Variants in PLOD2 observed in about 807,000 individuals in gnomAD.
The protein encoded by PLOD2 is lysine hydroxylase 2.
Under a neutral mutation model 101.0 loss-of-function variants are expected in PLOD2, and 65 were observed. The observed-to-expected ratio is 0.64, with a 90% CI of 0.53 to 0.79. PLOD2 has a LOEUF of 0.79. PLOD2 is among the 30% of genes least tolerant of loss of function. The pLI, the probability that PLOD2 is intolerant of heterozygous loss-of-function variation, is 0.00. For missense variants in PLOD2, 909 were observed against 914.6 expected, an observed-to-expected ratio of 0.99 and a Z score of 0.08; for synonymous variants, 314 against 302.9, an observed-to-expected ratio of 1.04 and a Z score of -0.38.
Position 146,077,837 on chromosome 3 carries a change from TAAATA to T in PLOD2, c.1563+20_1563+24del, listed in dbSNP as rs1936398245. On this transcript the variant is annotated intron_variant, in intron 14 of 19. Coordinates refer to ENST00000282903, the MANE Select transcript of PLOD2 (RefSeq NM_182943.3). ...ATATCAAATATTAAATAAACAAAAA[TAAATA>T]AAATAAGTAAAAATAACACCTTTGG... is the stretch of plus-strand genomic sequence containing the variant. The T allele has an allele frequency of 1.4e-6, 2 of 1,414,108 alleles. No individual in the cohort carries two copies. Among genetic ancestry groups the T allele is most frequent in the Non-Finnish European group, 9.9e-7 (1 of 1,011,706 alleles). The allele number at this position is 1,414,108 out of a possible 1,614,324, so 87.6% of individuals were successfully genotyped here.
chr3:146,119,508 T>C (rs1364576917), intron 3 of PLOD2, among the ~76,000 whole-genome samples: 1 of 152,102 alleles, frequency 6.6e-6, no homozygotes, highest in African/African-American at 2.4e-5. Flanking sequence ...TAGTTACATA[T>C]GTATACATGT....
intron 1 of PLOD2, among the ~76,000 whole-genome samples, chr3:146,133,255 A>C (rs2108112803): frequency 6.6e-6 from 1 of 152,322 alleles, no homozygotes; most frequent in South Asian, 2.1e-4. Flanking sequence ...CTACTCTATA[A>C]CCATGTTATA....
intron 10 of PLOD2, 83 bp downstream of exon 10, chr3:146,086,704 A>T: frequency 9.7e-7 from 1 of 1,033,540 alleles, no homozygotes; most frequent in Non-Finnish European, 1.4e-6. Context: ...ATTTGGCATA[A>T]CAATTTTAAT....
At chr3:146,136,103 C>A (rs1220980711) in intron 1 of PLOD2, among the ~76,000 whole-genome samples, 1 of 151,968 alleles carries the variant, frequency 6.6e-6, no homozygotes, top group South Asian at 2.1e-4. Flanking sequence ...TTTTTAAAAT[C>A]GGCCATTAAT....
At chr3:146,160,680 A>C in intron 1 of PLOD2, 6 of 559,414 alleles carry the variant, frequency 1.1e-5, no homozygotes, top group Non-Finnish European at 1.9e-5. Context: ...CCAAGGAGTC[A>C]ACGAGGGCGG....
At chr3:146,148,650 TAACAC>T (rs1366807602) in intron 1 of PLOD2, among the ~76,000 whole-genome samples, 1 of 152,134 alleles carries the variant, frequency 6.6e-6, no homozygotes, top group Non-Finnish European at 1.5e-5. Flanking sequence ...AAAGAGGAAA[TAACAC>T]AACTCTCCAA....
intron 1 of PLOD2, among the ~76,000 whole-genome samples, chr3:146,134,646 AG>A (rs1281951424): frequency 6.6e-6 from 1 of 152,240 alleles, no homozygotes; most frequent in Non-Finnish European, 1.5e-5. Flanking sequence ...TATTTTACAC[AG>A]ACACTAAAAA....
chr3:146,120,313 G>A (rs1349164973), intron 3 of PLOD2, among the ~76,000 whole-genome samples: 1 of 151,896 alleles, frequency 6.6e-6, no homozygotes, highest in Non-Finnish European at 1.5e-5. Context: ...TTGTAAATTT[G>A]TTTGAGTTCA....
intron 7 of PLOD2, among the ~76,000 whole-genome samples, chr3:146,095,439 G>T (rs1210306870): frequency 6.6e-6 from 1 of 151,392 alleles, no homozygotes; most frequent in Admixed American, 6.6e-5. Context: ...CATTTATGTG[G>T]CCAACAAACA....
intron 11 of PLOD2, 94 bp from the exon 12 acceptor site, chr3:146,081,957 A>G: frequency 9.4e-7 from 1 of 1,062,476 alleles, no homozygotes; most frequent in South Asian, 1.6e-5. Context: ...GCTTAGTATG[A>G]CATATAACAC....
At chr3:146,120,801 T>C (rs1369699755) in intron 3 of PLOD2, among the ~76,000 whole-genome samples, 1 of 152,152 alleles carries the variant, frequency 6.6e-6, no homozygotes, top group Non-Finnish European at 1.5e-5. Flanking sequence ...CTCGGCTCAC[T>C]GCAACCTTGC....
intron 11 of PLOD2, among the ~76,000 whole-genome samples, chr3:146,084,563 G>A (rs991639636): frequency 6.6e-6 from 1 of 152,080 alleles, no homozygotes; most frequent in African/African-American, 2.4e-5. Context: ...ACTTGTTAAA[G>A]GTGAGGTCTT....
intron 1 of PLOD2, among the ~76,000 whole-genome samples, chr3:146,129,921 C>A (rs1168706345): frequency 1.3e-5 from 2 of 152,158 alleles, no homozygotes; most frequent in African/African-American, 2.4e-5. Flanking sequence ...CTTAGGCCAA[C>A]TTTGTACACT....
chr3:146,088,471 C>T, intron 9 of PLOD2, 115 bp downstream of exon 9: 1 of 743,534 alleles, frequency 1.3e-6, no homozygotes, highest in Non-Finnish European at 2.3e-6. Context: ...GTAATTACTC[C>T]AAAAATCCTC....
At chr3:146,115,004 T>C (rs534855376) in intron 3 of PLOD2, among the ~76,000 whole-genome samples, 2 of 152,192 alleles carry the variant, frequency 1.3e-5, no homozygotes, top group South Asian at 2.1e-4. Context: ...AAAATGAATA[T>C]AGAAAACAAA....
At chr3:146,157,764 T>C (rs1197527375) in intron 1 of PLOD2, among the ~76,000 whole-genome samples, 1 of 152,230 alleles carries the variant, frequency 6.6e-6, no homozygotes, top group Non-Finnish European at 1.5e-5. Context: ...AGTCTGTTTA[T>C]GGATGATATG....
At chr3:146,119,372 T>C (rs1262831570) in intron 3 of PLOD2, among the ~76,000 whole-genome samples, 1 of 152,088 alleles carries the variant, frequency 6.6e-6, no homozygotes, top group East Asian at 1.9e-4. Flanking sequence ...AATTATGCAG[T>C]CTCAGGAATT....
In PLOD2 at chr3:146,136,088, A is replaced by G. The variant is rs560493065; in HGVS notation, c.110-11859T>C. On this transcript the variant is annotated intron_variant, in intron 1 of 19. Transcript: ENST00000282903. ...TTCCAGATAGAATTTTTATTTTTCT[A>G]TGACTTTTTAAAATCGGCCATTAAT... 1.1e-4 allele frequency among the ~76,000 whole-genome samples: 16 copies of G among 152,098 alleles called. No individual in the cohort carries two copies. The South Asian group carries it at 3.3e-3, about 32-fold the overall frequency.
chr3:146,121,587 A>AC (rs909946872), intron 2 of PLOD2, among the ~76,000 whole-genome samples: 1 of 151,872 alleles, frequency 6.6e-6, no homozygotes, highest in African/African-American at 2.4e-5. Context: ...TTCCCATATC[A>AC]CTTTTTTTTC....
Sources: allele counts gnomAD v4.1 joint callset (sites outside exome capture counted in the v4.1 genomes callset), GRCh38; gene constraint gnomAD v4.1.1; transcripts MANE v1.5; gene names NCBI Gene and HGNC (gene_info 2026-07-23, HGNC 2026-07-21).